The following COL14A1 variants were observed in gnomAD, a reference collection of about 807,000 sequenced individuals.
COL14A1 encodes the protein collagen type XIV alpha 1 chain.
A neutral mutation model predicts 230.3 loss-of-function variants in COL14A1; 136 were observed. That is an observed-to-expected ratio of 0.59 (90% CI 0.51 to 0.68). The LOEUF is 0.68. Among genes scored for constraint, COL14A1 ranks in the 30% least tolerant of loss-of-function variants. COL14A1 has a pLI of 0.00. For synonymous variants in COL14A1, 792 were observed against 784.1 expected, an observed-to-expected ratio of 1.01 and a Z score of -0.17; for missense variants, 1,976 against 2,215.8, an observed-to-expected ratio of 0.89 and a Z score of 2.17.
At chr8:120,289,497 A>C in intron 33 of COL14A1, 111 bp from the exon 34 acceptor site, 1 of 894,932 alleles carries the variant, frequency 1.1e-6, no homozygotes, top group Non-Finnish European at 1.7e-6. Context: ...ATGGTGACAG[A>C]ATTCTTTCTC....
intron 22 of COL14A1, among the ~76,000 whole-genome samples, chr8:120,251,531 T>A (rs769456487): frequency 5.3e-5 from 8 of 152,178 alleles, no homozygotes; most frequent in Non-Finnish European, 1.2e-4. Flanking sequence ...CTGGGACTCC[T>A]TAGTGGCATA....
intron 8 of COL14A1, 122 bp downstream of exon 8, chr8:120,199,688 C>A: frequency 2.0e-6 from 2 of 979,184 alleles, no homozygotes; most frequent in Non-Finnish European, 3.0e-6. Context: ...CTAGTCTTGG[C>A]ACTTGTCATA....
intron 26 of COL14A1, among the ~76,000 whole-genome samples, chr8:120,275,674 A>G (rs967958877): frequency 6.6e-6 from 1 of 152,042 alleles, no homozygotes; most frequent in African/African-American, 2.4e-5. Context: ...GGAAAATGGC[A>G]TGAATAAACA....
At chr8:120,198,450 C>T (rs1049486035) in intron 7 of COL14A1, among the ~76,000 whole-genome samples, 8 of 152,036 alleles carry the variant, frequency 5.3e-5, no homozygotes, top group African/African-American at 1.9e-4. Context: ...AGAATATTTA[C>T]ATTATAATCA....
At chr8:120,263,270 T>A (rs2129771643) in intron 24 of COL14A1, among the ~76,000 whole-genome samples, 1 of 152,298 alleles carries the variant, frequency 6.6e-6, no homozygotes, top group Admixed American at 6.5e-5. Flanking sequence ...GTAAAGCAGT[T>A]GAGACAATGA....
intron 13 of COL14A1, chr8:120,213,843 C>T: frequency 3.2e-6 from 1 of 316,980 alleles, no homozygotes; most frequent in Non-Finnish European, 6.1e-6. Flanking sequence ...ATTATATTGC[C>T]AAATGTAATA....
intron 31 of COL14A1, among the ~76,000 whole-genome samples, chr8:120,283,089 GA>G (rs1207501337): frequency 6.6e-6 from 1 of 152,132 alleles, no homozygotes; most frequent in Non-Finnish European, 1.5e-5. Flanking sequence ...GACAATTTCT[GA>G]AGGGGGATTG....
Position 120,184,224 on chromosome 8 carries a change from G to GATTGATTT in COL14A1, c.437-12564_437-12563insGATTTATT, listed in dbSNP as rs1554603425. ...GTGGTGTGTGTGTGGGGGGGGAAGA[G>GATTGATTT]ATTTATTTATTTATTTATTTATTTA... On this transcript the variant is annotated intron_variant, in intron 5 of 47. Coordinates refer to ENST00000297848, the MANE Select transcript of COL14A1 (RefSeq NM_021110.4). Among the ~76,000 whole-genome samples, 7 of 135,610 alleles carry GATTGATTT rather than the reference G, an allele frequency of 5.2e-5. No homozygotes were observed. In the South Asian group the frequency reaches 1.8e-3, roughly 35 times the overall value. The allele number at this position is 135,610 out of a possible 152,430, so 89.0% of individuals were successfully genotyped here.
chr8:120,184,141 A>G (rs1480202496), intron 5 of COL14A1, among the ~76,000 whole-genome samples: 1 of 152,074 alleles, frequency 6.6e-6, no homozygotes, highest in Non-Finnish European at 1.5e-5. Flanking sequence ...GCTTTTCATA[A>G]TTATTAATAT....
At chr8:120,289,247 TTTTTAA>T (rs1820297420) in intron 33 of COL14A1, among the ~76,000 whole-genome samples, 1 of 152,186 alleles carries the variant, frequency 6.6e-6, no homozygotes, top group African/African-American at 2.4e-5. Flanking sequence ...TCAACAAAGA[TTTTTAA>T]TTTTAATATT....
intron 2 of COL14A1, among the ~76,000 whole-genome samples, chr8:120,149,352 G>A (rs977429919): frequency 7.2e-5 from 11 of 152,166 alleles, no homozygotes; most frequent in Non-Finnish European, 1.3e-4. Flanking sequence ...TACACCTGGG[G>A]TTAAGGAACT....
intron 1 of COL14A1, among the ~76,000 whole-genome samples, chr8:120,127,867 G>C (rs1814394916): frequency 6.6e-6 from 1 of 152,114 alleles, no homozygotes; most frequent in Non-Finnish European, 1.5e-5. Flanking sequence ...AGCCTTCCTA[G>C]AACTGCTGCA....
chr8:120,305,713 A>C (rs538809860), intron 36 of COL14A1, among the ~76,000 whole-genome samples: 1 of 151,802 alleles, frequency 6.6e-6, no homozygotes, highest in South Asian at 2.1e-4. Flanking sequence ...TTTGCTTTTT[A>C]TTTGTGTTAC....
chr8:120,226,168 A>G (rs1013869099), intron 15 of COL14A1, among the ~76,000 whole-genome samples: 1 of 152,134 alleles, frequency 6.6e-6, no homozygotes, highest in Non-Finnish European at 1.5e-5. Flanking sequence ...CACCATATGT[A>G]CAAGTTAAAA....
At chr8:120,154,134 A>C (rs1050907543) in intron 2 of COL14A1, among the ~76,000 whole-genome samples, 3 of 152,208 alleles carry the variant, frequency 2.0e-5, no homozygotes, top group African/African-American at 7.2e-5. Flanking sequence ...TAATAAACAA[A>C]TGTGAATATT....
intron 40 of COL14A1, among the ~76,000 whole-genome samples, chr8:120,331,042 T>C (rs1188341686): frequency 6.7e-6 from 1 of 148,796 alleles, no homozygotes; most frequent in African/African-American, 2.5e-5. Flanking sequence ...GAGGGGGAAG[T>C]TGCGATGAGC....
chr8:120,335,970 A>G (rs1188340647), intron 42 of COL14A1, among the ~76,000 whole-genome samples: 1 of 152,214 alleles, frequency 6.6e-6, no homozygotes, highest in East Asian at 1.9e-4. Context: ...ACATGACTCA[A>G]AGTAGCTGTG....
rs150543363 is a variant in COL14A1 at position 120,371,625 on chromosome 8, G to A, written c.*394G>A. The A allele has an allele frequency of 2.8e-4, 112 of 398,578 alleles. 2 individuals are homozygous for A. Among genetic ancestry groups the A allele is most frequent in the African/African-American group, 1.9e-3 (92 of 48,718 alleles). 24.7% of individuals were successfully genotyped at this position (398,578 alleles called of 1,614,324 possible). On this transcript the variant is annotated 3_prime_UTR_variant, in exon 48 of 48. Transcript: ENST00000297848. The stretch of plus-strand genomic sequence containing the variant: ...GTCCCTAGCAGGAAAAGAATTCAAA[G>A]AGGTTCAAAGAATATGTCACTTACT...
intron 25 of COL14A1, among the ~76,000 whole-genome samples, chr8:120,269,570 T>C (rs980824229): frequency 6.6e-6 from 1 of 151,794 alleles, no homozygotes; most frequent in Non-Finnish European, 1.5e-5. Context: ...GGTTCCATTT[T>C]ATCACATGCT....
Sources: allele counts gnomAD v4.1 joint callset (sites outside exome capture counted in the v4.1 genomes callset), GRCh38; gene constraint gnomAD v4.1.1; transcripts MANE v1.5; gene names NCBI Gene and HGNC (gene_info 2026-07-23, HGNC 2026-07-21).